The following MRPL17 variants were observed in gnomAD, a reference collection of about 807,000 sequenced individuals.
MRPL17 encodes mitochondrial ribosomal protein L17.
MRPL17 carries 8 observed loss-of-function variants against 12.0 expected under a neutral mutation model. That is an observed-to-expected ratio of 0.67 (90% confidence interval 0.39 to 1.21). The LOEUF (loss-of-function observed/expected upper bound fraction) is 1.21. Among genes scored for constraint, MRPL17 ranks in the 50% most tolerant of loss-of-function variants. The pLI, the probability that MRPL17 is intolerant of heterozygous loss-of-function variation, is 0.01. For synonymous variants in MRPL17, 107 were observed against 92.9 expected (o/e 1.15, Z -0.87); for missense variants, 263 against 234.4 (o/e 1.12, Z -0.80).
At chr11:6,682,430 C>G in intron 2 of MRPL17, 28 bp from the exon 3 acceptor site, 1 of 1,600,984 alleles carries the variant, frequency 6.2e-7, no homozygotes, top group Non-Finnish European at 8.5e-7. Context: ...CAAGAGACAG[C>G]AGAGTCAGGC....
rs1403853392 is a variant in MRPL17, at chr11:6,682,130, T to C, written c.516A>G (p.Thr172=). 1 of 1,612,060 alleles carries C rather than the reference T, an allele frequency of 6.2e-7. No homozygotes were observed. Among genetic ancestry groups the C allele is most frequent in the South Asian group, 1.1e-5 (1 of 90,982 alleles). The part of the protein sequence containing the change: ...ASNHSSHTAQ[T]PGI ...TCTTCAGATCCAGTTAAATCCCTGG[T>C]GTTTGAGCTGTGTGGGAGCTGTGGT... Residue 172 remains threonine (T), a synonymous_variant, in exon 3 of 3, where the codon ACA becomes ACG. Coordinates refer to ENST00000288937, the MANE Select transcript of MRPL17 (RefSeq NM_022061.4).
chr11:6,683,288 C>A lies in MRPL17; in HGVS notation c.9G>T (p.Leu3=). MR[L]SVAAAISHGR... Reference sequence around the variant, plus strand: ...CATGGGAGATCGCTGCAGCGACCGACAGCCGCATGTTTCCAACTTCTGCCC... The same window carrying A: ...CATGGGAGATCGCTGCAGCGACCGAAAGCCGCATGTTTCCAACTTCTGCCC... The change falls in exon 1 of 3, where the codon CTG becomes CTT. Residue 3 remains leucine (L), a synonymous_variant. Coordinates refer to ENST00000288937, the MANE Select transcript of MRPL17 (RefSeq NM_022061.4). 1 of 1,610,482 alleles carries A rather than the reference C, an allele frequency of 6.2e-7. No homozygotes were observed. Among genetic ancestry groups the A allele is most frequent in the Non-Finnish European group, 8.5e-7 (1 of 1,177,302 alleles).
intron 1 of MRPL17, 33 bp downstream of exon 1, chr11:6,683,090 C>A: frequency 1.2e-6 from 2 of 1,602,736 alleles, no homozygotes; most frequent in Non-Finnish European, 1.7e-6. Flanking sequence ...CAGACCAGAC[C>A]CGCAGAGTGG....
chr11:6,682,905 C>G (rs1245164977), intron 1 of MRPL17, 90 bp from the exon 2 acceptor site: 1 of 1,389,588 alleles, frequency 7.2e-7, no homozygotes, highest in African/African-American at 1.4e-5. Context: ...TCCATTCTTT[C>G]CACTAGCCAA....
At chr11:6,682,915 A>C (rs1262977140) in intron 1 of MRPL17, 100 bp from the exon 2 acceptor site, 1 of 1,323,894 alleles carries the variant, frequency 7.6e-7, no homozygotes, top group East Asian at 2.4e-5. Context: ...CCACTAGCCA[A>C]GCATCTCCAA....
In MRPL17 at chr11:6,683,159, C is replaced by G. The variant is rs774823017; in HGVS notation, c.138G>C (p.Trp46Cys). Residue 46 changes from tryptophan to cysteine, a missense_variant, in exon 1 of 3, where the codon TGG becomes TGC. Transcript: ENST00000288937. ...AGCCCCTCATTTCGTCCACACGCGC[C>G]CATGGTGCCTCGATGCGTTCGTGCC... is the stretch of plus-strand genomic sequence containing the variant. ...LVRHERIEAP[W>C]ARVDEMRGYA... 22 of 1,614,036 alleles carry G rather than the reference C, an allele frequency of 1.4e-5. No homozygotes were observed. Among genetic ancestry groups the G allele is most frequent in the Non-Finnish European group, 1.9e-5 (22 of 1,180,048 alleles).
rs780208970 is a variant in MRPL17 at position 6,683,195 on chromosome 11, T to G, written c.102A>C (p.Thr34=). Residue 34 remains threonine (T), a synonymous_variant, in exon 1 of 3, where the codon ACA becomes ACC. Coordinates refer to ENST00000288937, the MANE Select transcript of MRPL17 (RefSeq NM_022061.4). ...SRIHLLRNLL[T]GLVRHERIEA... is the part of the protein sequence containing the mutation. ...CGATGCGTTCGTGCCGCACCAGCCC[T>G]GTGAGCAAGTTCCGCAACAGATGGA... 1.9e-6 allele frequency: 3 copies of G among 1,614,044 alleles called. No homozygotes were observed. The highest frequency in any genetic ancestry group is 2.7e-5 in the African/African-American group (2 of 74,934).
At position 6,682,082 on chromosome 11, in the gene MRPL17, G is replaced by A; in HGVS notation, c.*36C>T. ...AGTGCTCCAAAGGCCTGTGATCATG[G>A]GTACTGATTAAGGGCTGCAGACTCT... On this transcript the variant is annotated 3_prime_UTR_variant, in exon 3 of 3. Coordinates refer to ENST00000288937, the MANE Select transcript of MRPL17 (RefSeq NM_022061.4). 1.9e-6 allele frequency: 3 copies of A among 1,576,410 alleles called. No individual in the cohort carries two copies. The highest frequency in any genetic ancestry group is 2.6e-6 in the Non-Finnish European group (3 of 1,158,174).
In MRPL17 at chr11:6,681,090, C is replaced by T. The variant is rs1345293742; in HGVS notation, c.*1028G>A. 1 of 152,170 alleles carries T rather than the reference C, an allele frequency of 6.6e-6. No homozygotes were observed. The highest frequency in any genetic ancestry group is 1.5e-5 in the Non-Finnish European group (1 of 68,032). 9.4% of individuals were successfully genotyped at this position (152,170 alleles called of 1,614,324 possible). ...CAGAAGATAGAGCCTAAGATAAAATCTCTTCTACCCACTTTACTGGGGATA... is the reference window on the plus strand; with the variant it reads ...CAGAAGATAGAGCCTAAGATAAAATTTCTTCTACCCACTTTACTGGGGATA... On this transcript the variant is annotated 3_prime_UTR_variant, in exon 3 of 3. Transcript: ENST00000288937.
Position 6,683,199 on chromosome 11 carries a change from A to C in MRPL17, c.98T>G (p.Leu33Arg). Residue 33 changes from leucine (L) to arginine (R), a missense_variant, in exon 1 of 3, where the codon CTC becomes CGC. By Grantham distance (102) the Leu-to-Arg change is moderately radical. Transcript: ENST00000288937. ...GCGTTCGTGCCGCACCAGCCCTGTG[A>C]GCAAGTTCCGCAACAGATGGATGCG... ...ESRIHLLRNL[L>R]TGLVRHERIE... The C allele has an allele frequency of 6.2e-7, 1 of 1,614,192 alleles. No individual in the cohort carries two copies. Among genetic ancestry groups the C allele is most frequent in the Non-Finnish European group, 8.5e-7 (1 of 1,180,032 alleles).
In MRPL17 at chr11:6,682,271, A is replaced by G; in HGVS notation, c.375T>C (p.Tyr125=). The G allele has an allele frequency of 6.2e-7, 1 of 1,614,126 alleles. No individual in the cohort carries two copies. The highest frequency in any genetic ancestry group is 1.3e-5 in the African/African-American group (1 of 75,012). Residue 125 remains tyrosine (Y), a synonymous_variant, in exon 3 of 3, where the codon TAT becomes TAC. Transcript: ENST00000288937. ...LDRAKMAVIE[Y]KGNCLPPLPL... ...GCAGGGGTGGGAGGCAATTCCCTTT[A>G]TACTCGATCACTGCCATCTTGGCCC...
At position 6,682,300 on chromosome 11, in the gene MRPL17, C is replaced by A; in HGVS notation, c.346G>T (p.Asp116Tyr). Residue 116 changes from aspartate (D) to tyrosine (Y), a missense_variant, in exon 3 of 3, where the codon GAT (aspartate) becomes TAT (tyrosine). Coordinates refer to ENST00000288937, the MANE Select transcript of MRPL17 (RefSeq NM_022061.4). ...RMLQIPNRSL[D>Y]RAKMAVIEYK... ...TCGATCACTGCCATCTTGGCCCGATCCAAACTCCGATTTGGGATCTGCAGC... is the reference window on the plus strand; with the variant it reads ...TCGATCACTGCCATCTTGGCCCGATACAAACTCCGATTTGGGATCTGCAGC... 6.2e-7 allele frequency: 1 copy of A among 1,614,192 alleles called. No individual in the cohort carries two copies. The highest frequency in any genetic ancestry group is 1.3e-5 in the African/African-American group (1 of 75,046).
At position 6,681,014 on chromosome 11, in the gene MRPL17, C is replaced by T. The variant is rs1266303854; in HGVS notation, c.*1104G>A. On this transcript the variant is annotated 3_prime_UTR_variant, in exon 3 of 3. Transcript: ENST00000288937. Reference sequence around the variant, plus strand: ...TACACCAGTGATCCCTTTACCCTTACTCTTACTTATTATCTCAGACAGTGG... The same window carrying T: ...TACACCAGTGATCCCTTTACCCTTATTCTTACTTATTATCTCAGACAGTGG... 6.6e-6 allele frequency: 1 copy of T among 152,222 alleles called. No individual in the cohort carries two copies. The allele number at this position is 152,222 out of a possible 1,614,324, so 9.4% of individuals were successfully genotyped here.
intron 1 of MRPL17, 31 bp from the exon 2 acceptor site, chr11:6,682,846 G>A (rs540523818): frequency 3.7e-5 from 59 of 1,594,520 alleles, no homozygotes; most frequent in South Asian, 8.9e-5. Flanking sequence ...GGATCCAACC[G>A]AGCAAGAAAA....
rs763476893 is a variant in MRPL17, at chr11:6,683,082, G to A, written c.174+41C>T. On this transcript the variant is annotated intron_variant, in intron 1 of 2. Coordinates refer to ENST00000288937, the MANE Select transcript of MRPL17 (RefSeq NM_022061.4). ...ACTTGCAGCCGGCTCCGCCCCCTCAGACCAGACCCGCAGAGTGGACAAGAG... is the reference window on the plus strand; with the variant it reads ...ACTTGCAGCCGGCTCCGCCCCCTCAAACCAGACCCGCAGAGTGGACAAGAG... The A allele has an allele frequency of 2.5e-6, 4 of 1,596,242 alleles. No homozygotes were observed. In the Admixed American group the frequency reaches 5.1e-5, roughly 20 times the overall value.
At chr11:6,682,436 C>A in intron 2 of MRPL17, 34 bp from the exon 3 acceptor site, 1 of 1,598,590 alleles carries the variant, frequency 6.3e-7, no homozygotes, top group South Asian at 1.1e-5. Flanking sequence ...ACAGCAGAGT[C>A]AGGCAAAACT....
Position 6,682,810 on chromosome 11 carries a change from G to A in MRPL17, c.180C>T (p.Ile60=), listed in dbSNP as rs1589973026. 1 of 1,613,920 alleles carries A rather than the reference G, an allele frequency of 6.2e-7. No individual in the cohort carries two copies. Among genetic ancestry groups the A allele is most frequent in the South Asian group, 1.1e-5 (1 of 91,062 alleles). Residue 60 remains isoleucine, a synonymous_variant, in exon 2 of 3, where the codon ATC becomes ATT. Transcript: ENST00000288937. ...TAGTGTCTCCCAGCTTCCCATAGTC[G>A]ATGAGCTGTGAGGACATAACATCAC... is the stretch of plus-strand genomic sequence containing the variant. ...DEMRGYAEKL[I]DYGKLGDTNE...
rs1846582264 is a variant in MRPL17 at position 6,682,802 on chromosome 11, C to T, written c.188G>A (p.Gly63Glu). ...RGYAEKLIDY[G>E]KLGDTNERAM... ...TCGTTCGTTAGTGTCTCCCAGCTTC[C>T]CATAGTCGATGAGCTGTGAGGACAT... Residue 63 changes from glycine (G) to glutamate (E), a missense_variant, in exon 2 of 3, where the codon GGG becomes GAG. Gly to Glu is a moderately conservative substitution (Grantham distance 98). Coordinates refer to ENST00000288937, the MANE Select transcript of MRPL17 (RefSeq NM_022061.4). 1.2e-6 allele frequency: 2 copies of T among 1,614,114 alleles called. No homozygotes were observed. Among genetic ancestry groups the T allele is most frequent in the Non-Finnish European group, 1.7e-6 (2 of 1,179,984 alleles).
Position 6,681,409 on chromosome 11 carries a change from G to C in MRPL17, c.*709C>G, listed in dbSNP as rs1406917240. 1.3e-5 allele frequency: 2 copies of C among 152,202 alleles called. No individual in the cohort carries two copies. The highest frequency in any genetic ancestry group is 2.1e-4 in the South Asian group (1 of 4,814). 9.4% of individuals were successfully genotyped at this position (152,202 alleles called of 1,614,324 possible). ...CTTTCTTACCCCTTCCCCTCACCAA[G>C]AGGAAGGAGCTTATCCTGGAGCCCA... On this transcript the variant is annotated 3_prime_UTR_variant, in exon 3 of 3. Transcript: ENST00000288937.
Sources: allele counts gnomAD v4.1 joint callset, GRCh38; gene constraint gnomAD v4.1.1; transcripts MANE v1.5; gene names NCBI Gene and HGNC (gene_info 2026-07-23, HGNC 2026-07-21).